The following ZNF704 variants were observed in gnomAD, a reference collection of about 807,000 sequenced individuals.
ZNF704 encodes zinc finger protein 704.
ZNF704 carries 10 observed loss-of-function variants against 44.7 expected under a neutral mutation model. That is an observed-to-expected ratio of 0.22 (90% CI 0.14 to 0.38). The LOEUF (loss-of-function observed/expected upper bound fraction) is 0.38. ZNF704 is among the 10% of genes least tolerant of loss of function. The pLI is 1.00. For missense variants in ZNF704, 390 were observed against 545.5 expected, an observed-to-expected ratio of 0.71 and a Z score of 2.84; for synonymous variants, 211 against 207.6, an observed-to-expected ratio of 1.02 and a Z score of -0.14.
chr8:80,707,778 T>C (rs572447771), intron 2 of ZNF704, among the ~76,000 whole-genome samples: 1 of 152,300 alleles, frequency 6.6e-6, no homozygotes, highest in South Asian at 2.1e-4. Flanking sequence ...TAGTCAATAG[T>C]TTTATTTCTG....
At chr8:80,698,221 C>A (rs1028038588) in intron 2 of ZNF704, among the ~76,000 whole-genome samples, 1 of 152,182 alleles carries the variant, frequency 6.6e-6, no homozygotes, top group African/African-American at 2.4e-5. Context: ...CAAACACACA[C>A]ACAAATAAAC....
In ZNF704 at chr8:80,659,664, C is replaced by A. The variant is rs772911599; in HGVS notation, c.953G>T (p.Gly318Val). 3 of 1,613,816 alleles carry A rather than the reference C, an allele frequency of 1.9e-6. No individual in the cohort carries two copies. Among genetic ancestry groups the A allele is most frequent in the Non-Finnish European group, 2.5e-6 (3 of 1,179,890 alleles). Residue 318 changes from glycine (G) to valine (V), a missense_variant, in exon 7 of 9, where the codon GGA becomes GTA. Coordinates refer to ENST00000327835, the MANE Select transcript of ZNF704 (RefSeq NM_001033723.3). ...GCCATTGGGGGTGAACTTGGCCGAT[C>A]CTGGAATGGTCACAGGGGGTGTGGC... The part of the protein sequence containing the change: ...YQATPPVTIP[G>V]SAKFTPNGSS...
the ZNF704 span, among the ~76,000 whole-genome samples, chr8:80,879,991 G>A: frequency 6.6e-6 from 1 of 152,172 alleles, no homozygotes; most frequent in Non-Finnish European, 1.5e-5. Context: ...CTGAGCTTGG[G>A]AAAATTAGAT....
chr8:80,815,892 C>A (rs1443124698), intron 2 of ZNF704, among the ~76,000 whole-genome samples: 1 of 152,260 alleles, frequency 6.6e-6, no homozygotes, highest in African/African-American at 2.4e-5. Flanking sequence ...CAGTTGCAAG[C>A]ACTGGTTCTG....
chr8:80,643,572 C>T (rs1817780367), intron 7 of ZNF704, among the ~76,000 whole-genome samples: 1 of 149,246 alleles, frequency 6.7e-6, no homozygotes, highest in Non-Finnish European at 1.5e-5. Context: ...AAATACTTTC[C>T]TCACAGAGAC....
In ZNF704 at chr8:80,638,352, C is replaced by T. The variant is rs1289147592; in HGVS notation, c.*3014G>A. ...TGCCTTACTTAGAAATATTTTGGGA[C>T]CAGAATCCATTGTTTTGCATGCCTT... On this transcript the variant is annotated 3_prime_UTR_variant, in exon 9 of 9. Transcript: ENST00000327835. The T allele has an allele frequency of 1.3e-5, 2 of 152,322 alleles. No individual in the cohort carries two copies. Among genetic ancestry groups the T allele is most frequent in the Non-Finnish European group, 2.9e-5 (2 of 68,018 alleles). 9.4% of individuals were successfully genotyped at this position (152,322 alleles called of 1,614,324 possible). A position where few individuals can be genotyped will look rare whatever the true frequency, so the allele number is the denominator to read the frequency against.
In ZNF704 at chr8:80,637,966, T is replaced by A. The variant is rs936137566; in HGVS notation, c.*3400A>T. The stretch of plus-strand genomic sequence containing the variant: ...TTCTCTCCTTGCTTCAGGCAGCTGC[T>A]CCCAGAGGAGAAAATGGCAGCTCCC... On this transcript the variant is annotated 3_prime_UTR_variant, in exon 9 of 9. Transcript: ENST00000327835. 1 of 152,248 alleles carries A rather than the reference T, an allele frequency of 6.6e-6. No individual in the cohort carries two copies. The highest frequency in any genetic ancestry group is 1.5e-5 in the Non-Finnish European group (1 of 68,082). The allele number at this position is 152,248 out of a possible 1,614,324, so 9.4% of individuals were successfully genotyped here.
intron 1 of ZNF704, among the ~76,000 whole-genome samples, chr8:80,844,876 C>T (rs1014950537): frequency 4.0e-5 from 6 of 150,428 alleles, no homozygotes; most frequent in South Asian, 2.1e-4. Flanking sequence ...GACAGGGTTT[C>T]GCTGTGTTGC....
chr8:80,794,779 C>T (rs1435861335), intron 2 of ZNF704, among the ~76,000 whole-genome samples: 1 of 152,170 alleles, frequency 6.6e-6, no homozygotes, highest in Admixed American at 6.5e-5. Flanking sequence ...AATAAGTGAA[C>T]CATTGATGGT....
At chr8:80,667,792 C>T (rs1041030808) in intron 5 of ZNF704, among the ~76,000 whole-genome samples, 1 of 152,178 alleles carries the variant, frequency 6.6e-6, no homozygotes, top group Non-Finnish European at 1.5e-5. Flanking sequence ...CTGACTCCTA[C>T]ACATTCTAGT....
chr8:80,662,164 C>T (rs140757096), intron 6 of ZNF704, among the ~76,000 whole-genome samples: 252 of 152,114 alleles, frequency 1.7e-3, no homozygotes, highest in Non-Finnish European at 3.0e-3. Context: ...AAATAAAATA[C>T]AGTAAAAACA....
intron 4 of ZNF704, among the ~76,000 whole-genome samples, chr8:80,672,449 C>T (rs1331137516): frequency 6.6e-6 from 1 of 152,118 alleles, no homozygotes; most frequent in Non-Finnish European, 1.5e-5. Context: ...ATCATTCTAC[C>T]AAAAAGACCC....
chr8:80,668,866 T>C (rs1818235438), intron 5 of ZNF704, among the ~76,000 whole-genome samples: 1 of 152,142 alleles, frequency 6.6e-6, no homozygotes, highest in Admixed American at 6.5e-5. Flanking sequence ...CCTCTCCCAG[T>C]GCATCAGAGA....
chr8:80,720,148 C>G (rs1184693698), intron 2 of ZNF704, among the ~76,000 whole-genome samples: 1 of 152,202 alleles, frequency 6.6e-6, no homozygotes, highest in African/African-American at 2.4e-5. Flanking sequence ...CTGTGTGCCC[C>G]CATCACCCAG....
At chr8:80,785,594 T>C (rs1252492947) in intron 2 of ZNF704, among the ~76,000 whole-genome samples, 1 of 152,232 alleles carries the variant, frequency 6.6e-6, no homozygotes, top group Non-Finnish European at 1.5e-5. Context: ...AACCATCCAA[T>C]ACTACTTTAC....
intron 2 of ZNF704, among the ~76,000 whole-genome samples, chr8:80,752,596 C>T (rs1381800259): frequency 6.6e-6 from 1 of 151,764 alleles, no homozygotes; most frequent in Non-Finnish European, 1.5e-5. Context: ...GGCTGGAGTG[C>T]AATGGTGTGA....
At chr8:80,699,418 G>C (rs1265126017) in intron 2 of ZNF704, among the ~76,000 whole-genome samples, 1 of 151,702 alleles carries the variant, frequency 6.6e-6, no homozygotes, top group Non-Finnish European at 1.5e-5. Context: ...AAAAATCAAA[G>C]GGAAGATTAG....
At chr8:80,822,040 G>A (rs1008044221) in intron 1 of ZNF704, among the ~76,000 whole-genome samples, 6 of 151,948 alleles carry the variant, frequency 3.9e-5, no homozygotes, top group Non-Finnish European at 8.8e-5. Context: ...TAATAATACT[G>A]GTCTTAACCA....
intron 2 of ZNF704, among the ~76,000 whole-genome samples, chr8:80,713,080 A>T (rs1819013542): frequency 6.6e-6 from 1 of 151,994 alleles, no homozygotes; most frequent in African/African-American, 2.4e-5. Flanking sequence ...TATTTTCAGT[A>T]GAGATGAGGT....
Sources: gnomAD v4.1 joint callset for allele counts (sites outside exome capture counted in the v4.1 genomes callset) on GRCh38, gnomAD v4.1.1 for gene constraint, MANE v1.5 for transcripts, NCBI Gene and HGNC (gene_info 2026-07-23, HGNC 2026-07-21) for gene names.